ST6GALNAC3: variants seen among roughly 807,000 people sequenced by gnomAD.
The protein encoded by ST6GALNAC3 is ST6 N-acetylgalactosaminide alpha-2,6-sialyltransferase 3.
Under a neutral mutation model 32.7 loss-of-function variants are expected in ST6GALNAC3, and 25 were observed. The ratio of observed to expected loss-of-function variants is 0.76; its 90% CI spans 0.56 to 1.07. The LOEUF (loss-of-function observed/expected upper bound fraction) is 1.07. Ranked by LOEUF, ST6GALNAC3 falls within the 50% of genes least tolerant of loss-of-function variation. The probability of loss-of-function intolerance (pLI) is 0.00; values close to 1 mark genes in which losing one functional copy is unlikely to be tolerated. For missense variants in ST6GALNAC3, 355 were observed against 382.4 expected (o/e 0.93, Z 0.60); for synonymous variants, 129 against 133.1 (o/e 0.97, Z 0.21).
intron 3 of ST6GALNAC3, among the ~76,000 whole-genome samples, chr1:76,565,612 T>C (rs1208667497): frequency 1.3e-5 from 2 of 152,194 alleles, no homozygotes; most frequent in Non-Finnish European, 2.9e-5. Context: ...AGCACAGATA[T>C]GCCAGATGTG....
chr1:76,183,728 GGTAA>G (rs1378942566), intron 1 of ST6GALNAC3, among the ~76,000 whole-genome samples: 1 of 151,442 alleles, frequency 6.6e-6, no homozygotes, highest in Non-Finnish European at 1.5e-5. Flanking sequence ...GTGACACAAT[GGTAA>G]GTATTTGTGT....
intron 1 of ST6GALNAC3, among the ~76,000 whole-genome samples, chr1:76,243,592 C>T (rs1413806873): frequency 1.3e-5 from 2 of 152,144 alleles, no homozygotes; most frequent in Admixed American, 1.3e-4. Flanking sequence ...TGGGGTTTTA[C>T]ATTTAAGTCT....
chr1:76,351,923 TGAG>T (rs970012826), intron 2 of ST6GALNAC3, among the ~76,000 whole-genome samples: 1 of 152,204 alleles, frequency 6.6e-6, no homozygotes, highest in Non-Finnish European at 1.5e-5. Context: ...AAATTCATGT[TGAG>T]GAGGTTGGGG....
At chr1:76,613,484 A>G (rs891906761) in intron 3 of ST6GALNAC3, among the ~76,000 whole-genome samples, 2 of 152,178 alleles carry the variant, frequency 1.3e-5, no homozygotes, top group African/African-American at 4.8e-5. Flanking sequence ...TTAAGACCCA[A>G]CTCTGGATGT....
intron 1 of ST6GALNAC3, among the ~76,000 whole-genome samples, chr1:76,133,373 G>T (rs1649736848): frequency 6.6e-6 from 1 of 152,140 alleles, no homozygotes; most frequent in Non-Finnish European, 1.5e-5. Flanking sequence ...AGTCTGCATT[G>T]GAGCTCCTAA....
intron 1 of ST6GALNAC3, among the ~76,000 whole-genome samples, chr1:76,106,071 T>C (rs1254140660): frequency 6.6e-6 from 1 of 152,238 alleles, no homozygotes; most frequent in Non-Finnish European, 1.5e-5. Context: ...TTTTCTTCTC[T>C]GTCAAATGAC....
intron 1 of ST6GALNAC3, among the ~76,000 whole-genome samples, chr1:76,131,355 A>G (rs1259662768): frequency 1.3e-5 from 2 of 152,216 alleles, no homozygotes; most frequent in Admixed American, 1.3e-4. Context: ...CTGTAAATCA[A>G]GCCCTACCCA....
chr1:76,550,662 C>G (rs878924574), intron 3 of ST6GALNAC3, among the ~76,000 whole-genome samples: 2 of 152,122 alleles, frequency 1.3e-5, no homozygotes, highest in African/African-American at 4.8e-5. Context: ...TCCATAATCT[C>G]TTTGTGTACC....
chr1:76,220,502 A>G (rs1017650223), intron 1 of ST6GALNAC3, among the ~76,000 whole-genome samples: 2 of 152,220 alleles, frequency 1.3e-5, no homozygotes, highest in East Asian at 3.9e-4. Context: ...ATGCCAGGAA[A>G]TGGGGCTACT....
At chr1:76,345,028 C>T (rs553624137) in intron 2 of ST6GALNAC3, among the ~76,000 whole-genome samples, 1 of 152,268 alleles carries the variant, frequency 6.6e-6, no homozygotes, top group Admixed American at 6.5e-5. Flanking sequence ...GGTTCCTTGG[C>T]TGTGGCTTAC....
rs1368169847 is a variant in ST6GALNAC3 at position 76,508,073 on chromosome 1, C to CT, written c.623+95659dup. ...ATGTGCTTATTGGCTCCTTTCACTTCTTTACCTTGACTAGTAGACTCGCCT... is the reference window on the plus strand; with the variant it reads ...ATGTGCTTATTGGCTCCTTTCACTTCTTTTACCTTGACTAGTAGACTCGCCT... On this transcript the variant is annotated intron_variant, in intron 3 of 4. Coordinates refer to ENST00000328299, the MANE Select transcript of ST6GALNAC3 (RefSeq NM_152996.4). Among the ~76,000 whole-genome samples the CT allele has an allele frequency of 3.9e-5, 6 of 152,298 alleles. No homozygotes were observed. In the East Asian group the frequency reaches 9.7e-4, roughly 25 times the overall value.
At chr1:76,434,783 T>TG (rs1656017394) in intron 3 of ST6GALNAC3, among the ~76,000 whole-genome samples, 1 of 137,606 alleles carries the variant, frequency 7.3e-6, no homozygotes, top group Non-Finnish European at 1.6e-5. Flanking sequence ...TTTTTTTCTC[T>TG]GTTTTTTTTT....
chr1:76,391,793 A>G (rs2101157732), intron 2 of ST6GALNAC3, among the ~76,000 whole-genome samples: 1 of 152,324 alleles, frequency 6.6e-6, no homozygotes, highest in South Asian at 2.1e-4. Flanking sequence ...CACAAAACTG[A>G]GATATAAATG....
At chr1:76,600,295 A>C (rs2100624755) in intron 3 of ST6GALNAC3, among the ~76,000 whole-genome samples, 1 of 152,308 alleles carries the variant, frequency 6.6e-6, no homozygotes, top group South Asian at 2.1e-4. Flanking sequence ...GAACTGTGGA[A>C]AATGAGTTTC....
intron 3 of ST6GALNAC3, among the ~76,000 whole-genome samples, chr1:76,485,259 C>T (rs545175482): frequency 1.0e-3 from 157 of 152,294 alleles, no homozygotes; most frequent in Admixed American, 2.0e-3. Context: ...GGAGGTTTCC[C>T]TCTTTTTCTA....
At chr1:76,382,975 G>A (rs1252335786) in intron 2 of ST6GALNAC3, among the ~76,000 whole-genome samples, 1 of 152,030 alleles carries the variant, frequency 6.6e-6, no homozygotes, top group East Asian at 1.9e-4. Flanking sequence ...CGAAACTGCT[G>A]AAAACCTAAG....
At chr1:76,592,473 G>T (rs115852081) in intron 3 of ST6GALNAC3, among the ~76,000 whole-genome samples, 649 of 152,292 alleles carry the variant, frequency 4.3e-3, no homozygotes, top group African/African-American at 0.015. Context: ...GTATGGATAA[G>T]GTGCATGGGT....
chr1:76,543,551 C>CCGTGTTTCTT lies in ST6GALNAC3; in HGVS notation c.624-83899_624-83890dup, dbSNP rs1553137028. ...GCAAAGCTTAAATTTGATATGGGTG[C>CCGTGTTTCTT]CGTGTTTCTTCATTACTTTTCTTTT... On this transcript the variant is annotated intron_variant, in intron 3 of 4. Coordinates refer to ENST00000328299, the MANE Select transcript of ST6GALNAC3 (RefSeq NM_152996.4). Among the ~76,000 whole-genome samples the CCGTGTTTCTT allele has an allele frequency of 1.7e-4, 26 of 152,252 alleles. 1 individual carries two copies. The highest frequency in any genetic ancestry group is 6.3e-4 in the African/African-American group (26 of 41,560).
At chr1:76,516,263 T>C (rs1425854477) in intron 3 of ST6GALNAC3, among the ~76,000 whole-genome samples, 1 of 152,192 alleles carries the variant, frequency 6.6e-6, no homozygotes, top group Non-Finnish European at 1.5e-5. Context: ...TGTTACAATA[T>C]GCCTTGGAGA....
Sources: allele counts gnomAD v4.1 joint callset (sites outside exome capture counted in the v4.1 genomes callset), GRCh38; gene constraint gnomAD v4.1.1; transcripts MANE v1.5; gene names NCBI Gene and HGNC (gene_info 2026-07-23, HGNC 2026-07-21).